Variants in BRWD1 observed in about 807,000 individuals in gnomAD.
BRWD1 encodes bromodomain and WD repeat-containing protein 1.
A neutral mutation model predicts 251.2 loss-of-function variants in BRWD1; 82 were observed. The ratio of observed to expected loss-of-function variants is 0.33; its 90% CI spans 0.27 to 0.39. The LOEUF (loss-of-function observed/expected upper bound fraction) is 0.39, where lower values mean the gene tolerates loss of function less well. BRWD1 is among the 10% of genes least tolerant of loss of function. The probability of loss-of-function intolerance (pLI) is 1.00; values close to 1 mark genes in which losing one functional copy is unlikely to be tolerated. For missense variants in BRWD1, 2,233 were observed against 2,711.6 expected (o/e 0.82, Z 3.92); for synonymous variants, 918 against 902.8 (o/e 1.02, Z -0.30).
chr21:39,244,196 C>T (rs2034100811), intron 21 of BRWD1, among the ~76,000 whole-genome samples: 1 of 152,072 alleles, frequency 6.6e-6, no homozygotes, highest in Non-Finnish European at 1.5e-5. Context: ...TCCCTAGCAG[C>T]TGGGACTACA....
chr21:39,213,363 G>T, intron 33 of BRWD1, 118 bp downstream of exon 33: 2 of 807,122 alleles, frequency 2.5e-6, no homozygotes, highest in Non-Finnish European at 4.0e-6. Flanking sequence ...TTTATCAAAT[G>T]CCCTATTTGT....
upstream of BRWD1, chr21:39,315,667 T>A (rs947980642): frequency 5.9e-5 from 9 of 151,754 alleles, no homozygotes; most frequent in Admixed American, 1.3e-4. Context: ...GGTAACAATC[T>A]AAATATGTTT....
chr21:39,210,261 A>G, intron 35 of BRWD1, 114 bp from the exon 36 acceptor site: 2 of 809,402 alleles, frequency 2.5e-6, no homozygotes. Flanking sequence ...AGGTTAGAGG[A>G]CTCTTAAAAT....
At chr21:39,205,765 C>T (rs530939533) in intron 37 of BRWD1, among the ~76,000 whole-genome samples, 8 of 149,782 alleles carry the variant, frequency 5.3e-5, no homozygotes, top group South Asian at 2.1e-4. Context: ...AGAGAGACTC[C>T]GTCTCCAAAA....
In BRWD1 at chr21:39,188,244, T is replaced by G. The variant is rs912957457; in HGVS notation, c.*8015A>C. The G allele has an allele frequency of 6.1e-6, 6 of 985,316 alleles. No individual in the cohort carries two copies. Among genetic ancestry groups the G allele is most frequent in the Admixed American group, 1.2e-4 (2 of 16,268 alleles). 61.0% of individuals were successfully genotyped at this position (985,316 alleles called of 1,614,324 possible). ...GAATTTTAGGTCTTTCTTGCAGCCA[T>G]GAACAGTCAAACTATCTAAAACTGC... On this transcript the variant is annotated 3_prime_UTR_variant, in exon 41 of 41. Coordinates refer to ENST00000342449, the MANE Select transcript of BRWD1 (RefSeq NM_033656.4).
At chr21:39,244,496 C>T (rs1466315540) in intron 21 of BRWD1, among the ~76,000 whole-genome samples, 1 of 152,128 alleles carries the variant, frequency 6.6e-6, no homozygotes, top group Non-Finnish European at 1.5e-5. Context: ...AATTAGATAA[C>T]GTGTAAACCA....
chr21:39,307,145 A>G (rs890067546), intron 4 of BRWD1, among the ~76,000 whole-genome samples: 1 of 152,150 alleles, frequency 6.6e-6, no homozygotes, highest in Non-Finnish European at 1.5e-5. Context: ...TGAGCCACTG[A>G]GCCTGGTTAT....
At chr21:39,287,890 G>A (rs956323531) in intron 8 of BRWD1, among the ~76,000 whole-genome samples, 5 of 152,146 alleles carry the variant, frequency 3.3e-5, no homozygotes, top group Admixed American at 6.6e-5. Context: ...CTTCAGAAGA[G>A]AATTATATAC....
chr21:39,286,115 C>A (rs958554607), intron 8 of BRWD1, among the ~76,000 whole-genome samples: 1 of 150,924 alleles, frequency 6.6e-6, no homozygotes, highest in Non-Finnish European at 1.5e-5. Flanking sequence ...CCCAGGTTCA[C>A]GCCATTCTCC....
chr21:39,200,652 T>C (rs1166119782), intron 38 of BRWD1, among the ~76,000 whole-genome samples: 1 of 151,894 alleles, frequency 6.6e-6, no homozygotes, highest in African/African-American at 2.4e-5. Context: ...TTACAAAATA[T>C]AGTTTATGTA....
At chr21:39,305,223 T>C (rs1203286263) in intron 4 of BRWD1, among the ~76,000 whole-genome samples, 1 of 152,070 alleles carries the variant, frequency 6.6e-6, no homozygotes, top group Non-Finnish European at 1.5e-5. Context: ...CCCCCTAAAG[T>C]GTTGGGATTA....
chr21:39,296,062 A>G (rs1356535746), intron 6 of BRWD1, among the ~76,000 whole-genome samples, 159 bp from the exon 7 acceptor site: 1 of 152,232 alleles, frequency 6.6e-6, no homozygotes, highest in African/African-American at 2.4e-5. Flanking sequence ...ATTCAGTAAC[A>G]TAGACTTCTT....
chr21:39,187,276 G>A lies in BRWD1; in HGVS notation c.*8983C>T. 1 of 1,613,886 alleles carries A rather than the reference G, an allele frequency of 6.2e-7. No homozygotes were observed. Among genetic ancestry groups the A allele is most frequent in the Non-Finnish European group, 8.5e-7 (1 of 1,179,908 alleles). On this transcript the variant is annotated 3_prime_UTR_variant, in exon 41 of 41. Coordinates refer to ENST00000342449, the MANE Select transcript of BRWD1 (RefSeq NM_033656.4). ...ACTCATTATCTTTATTTTATTTGCA[G>A]CAACAGTAGCACATCTGCGGGGAAC...
At chr21:39,291,120 A>G (rs2035795448) in intron 8 of BRWD1, among the ~76,000 whole-genome samples, 1 of 152,172 alleles carries the variant, frequency 6.6e-6, no homozygotes, top group South Asian at 2.1e-4. Flanking sequence ...AAAAAACAAA[A>G]ACAAAAACCG....
intron 20 of BRWD1, among the ~76,000 whole-genome samples, chr21:39,249,705 G>T (rs1601383329): frequency 6.6e-6 from 1 of 152,136 alleles, no homozygotes; most frequent in Non-Finnish European, 1.5e-5. Flanking sequence ...TGAACTGAAT[G>T]TTCCTTAATT....
downstream of BRWD1, chr21:39,184,966 G>C (rs902233490): frequency 6.6e-6 from 1 of 152,102 alleles, no homozygotes; most frequent in Non-Finnish European, 1.5e-5. Flanking sequence ...TGATTTCACA[G>C]TTCCATGATG....
At position 39,188,062 on chromosome 21, in the gene BRWD1, A is replaced by G; in HGVS notation, c.*8197T>C. 1.0e-6 allele frequency: 1 copy of G among 985,410 alleles called. No individual in the cohort carries two copies. Among genetic ancestry groups the G allele is most frequent in the Non-Finnish European group, 1.2e-6 (1 of 829,904 alleles). The allele number at this position is 985,410 out of a possible 1,614,324, so 61.0% of individuals were successfully genotyped here. Reference sequence around the variant, plus strand: ...GCTCTACACAGCCACATGATGCCAGAGCTACTACTCCGTGCTGACCAAACT... The same window carrying G: ...GCTCTACACAGCCACATGATGCCAGGGCTACTACTCCGTGCTGACCAAACT... On this transcript the variant is annotated 3_prime_UTR_variant, in exon 41 of 41. Coordinates refer to ENST00000342449, the MANE Select transcript of BRWD1 (RefSeq NM_033656.4).
chr21:39,246,500 A>G (rs1302113184), intron 21 of BRWD1, among the ~76,000 whole-genome samples: 1 of 152,212 alleles, frequency 6.6e-6, no homozygotes, highest in East Asian at 1.9e-4. Context: ...CCAGCATACC[A>G]TCTCCTAGCG....
In BRWD1 at chr21:39,258,387, A is replaced by T. The variant is rs1040621109; in HGVS notation, c.2071+100T>A. 3.9e-6 allele frequency: 4 copies of T among 1,020,134 alleles called. No individual in the cohort carries two copies. In the African/African-American group the frequency reaches 4.9e-5, roughly 13 times the overall value. The allele number at this position is 1,020,134 out of a possible 1,614,324, so 63.2% of individuals were successfully genotyped here. A position where few individuals can be genotyped will look rare whatever the true frequency, so the allele number is the denominator to read the frequency against. ...ATTAAGTTGTAAAAATACATTGTTT[A>T]CTTAAGTTTCTCACATTACATGTAC... is the stretch of plus-strand genomic sequence containing the variant. On this transcript the variant is annotated intron_variant, in intron 18 of 40. Coordinates refer to ENST00000342449, the MANE Select transcript of BRWD1 (RefSeq NM_033656.4).
Sources: allele counts gnomAD v4.1 joint callset (sites outside exome capture counted in the v4.1 genomes callset), GRCh38; gene constraint gnomAD v4.1.1; transcripts MANE v1.5; gene names NCBI Gene and HGNC (gene_info 2026-07-23, HGNC 2026-07-21).